Variants in DYNC1H1 observed in about 807,000 individuals in gnomAD.
The protein encoded by DYNC1H1 is dynein cytoplasmic 1 heavy chain 1.
Under a neutral mutation model 527.1 loss-of-function variants are expected in DYNC1H1, and 51 were observed. That is an observed-to-expected ratio of 0.10 (90% CI 0.08 to 0.12). DYNC1H1 has a LOEUF of 0.12. Ranked by LOEUF, DYNC1H1 falls within the 10% of genes least tolerant of loss-of-function variation. DYNC1H1 has a pLI of 1.00. For synonymous variants in DYNC1H1, 2,189 were observed against 2,278.8 expected (o/e 0.96, Z 1.12); for missense variants, 2,771 against 5,971.8 (o/e 0.46, Z 17.66).
At chr14:102,014,802 GT>G (rs1294821251) in intron 34 of DYNC1H1, among the ~76,000 whole-genome samples, 1 of 151,612 alleles carries the variant, frequency 6.6e-6, no homozygotes, top group Non-Finnish European at 1.5e-5. Context: ...GGTGTTTTTT[GT>G]TTTTTTTACA....
At position 102,042,036 on chromosome 14, in the gene DYNC1H1, A is replaced by G. The variant is rs372384147; in HGVS notation, c.12126A>G (p.Leu4042=). The change falls in exon 66 of 78, where the codon TTA becomes TTG. Residue 4042 remains leucine (L), a synonymous_variant. Transcript: ENST00000360184. This position sits in a 1 kb window ranked among gnomAD's most constrained non-coding sequence, Gnocchi z 5.7. ...GTEVKPNTPV[L]MCSVPGYDAS... is the part of the protein sequence containing the mutation. Reference sequence around the variant, plus strand: ...AGGTGAAGCCCAACACTCCTGTCTTAATGTGCTCTGTGCCTGGTTATGATG... The same window carrying G: ...AGGTGAAGCCCAACACTCCTGTCTTGATGTGCTCTGTGCCTGGTTATGATG... 1 of 1,613,974 alleles carries G rather than the reference A, an allele frequency of 6.2e-7. No individual in the cohort carries two copies. Among genetic ancestry groups the G allele is most frequent in the African/African-American group, 1.3e-5 (1 of 74,904 alleles).
chr14:101,996,871 C>T (rs1237112276), intron 15 of DYNC1H1, among the ~76,000 whole-genome samples, 164 bp from the exon 16 acceptor site: 1 of 152,130 alleles, frequency 6.6e-6, no homozygotes, highest in African/African-American at 2.4e-5. Flanking sequence ...AATCCACCTG[C>T]CTCAGCCTCC....
Position 102,052,137 on chromosome 14 carries a change from A to G in DYNC1H1, c.*1574A>G, listed in dbSNP as rs1326947470. 1 of 149,776 alleles carries G rather than the reference A, an allele frequency of 6.7e-6. No homozygotes were observed. Among genetic ancestry groups the G allele is most frequent in the African/African-American group, 2.5e-5 (1 of 40,658 alleles). The allele number at this position is 149,776 out of a possible 1,614,324, so 9.3% of individuals were successfully genotyped here. On this transcript the variant is annotated 3_prime_UTR_variant, in exon 78 of 78. Coordinates refer to ENST00000360184, the MANE Select transcript of DYNC1H1 (RefSeq NM_001376.5). ...GTCACCGAGTTGAGCCCCTAAACAC[A>G]TGTTTTTCTTTTTAGAGACAGGGTC... is the stretch of plus-strand genomic sequence containing the variant.
intron 43 of DYNC1H1, among the ~76,000 whole-genome samples, chr14:102,024,594 A>G (rs1414779679): frequency 6.6e-6 from 1 of 152,022 alleles, no homozygotes; most frequent in African/African-American, 2.4e-5. Flanking sequence ...GGTGTGTTCA[A>G]TATTGGTAGA....
At chr14:101,989,039 A>C (rs558446526) in intron 10 of DYNC1H1, among the ~76,000 whole-genome samples, 187 bp downstream of exon 10, 1 of 152,268 alleles carries the variant, frequency 6.6e-6, no homozygotes, top group East Asian at 1.9e-4. Flanking sequence ...ATGCGATGGG[A>C]AGGGCAGGTC....
At chr14:101,984,397 A>G (rs921774516) in intron 7 of DYNC1H1, among the ~76,000 whole-genome samples, 27 of 89,956 alleles carry the variant, frequency 3.0e-4, no homozygotes, top group African/African-American at 1.1e-3. Context: ...ATATATGCGT[A>G]TATATGTGTG....
At position 102,033,922 on chromosome 14, in the gene DYNC1H1, G is replaced by T; in HGVS notation, c.10414-54G>T. ...TGGATGAACCGATTTGCAGGATTCG[G>T]TATAAATCCTGAAAGGCCTCATCCC... On this transcript the variant is annotated intron_variant, in intron 54 of 77. Transcript: ENST00000360184. This position sits in a 1 kb window ranked among gnomAD's most constrained non-coding sequence, Gnocchi z 5.6. 1 of 1,585,182 alleles carries T rather than the reference G, an allele frequency of 6.3e-7. No homozygotes were observed. Among genetic ancestry groups the T allele is most frequent in the Non-Finnish European group, 8.6e-7 (1 of 1,156,542 alleles).
intron 2 of DYNC1H1, among the ~76,000 whole-genome samples, chr14:101,976,153 C>T (rs1488294668): frequency 6.6e-6 from 1 of 151,342 alleles, no homozygotes; most frequent in South Asian, 2.1e-4. Context: ...GAGATCCACC[C>T]GCCTCAGCCT....
rs967548476 is a variant in DYNC1H1, at chr14:102,044,523, T to C, written c.12902+32T>C. 4 of 1,614,110 alleles carry C rather than the reference T, an allele frequency of 2.5e-6. No individual in the cohort carries two copies. In the African/African-American group the frequency reaches 4.0e-5, roughly 16 times the overall value. On this transcript the variant is annotated intron_variant, in intron 71 of 77. Coordinates refer to ENST00000360184, the MANE Select transcript of DYNC1H1 (RefSeq NM_001376.5). The surrounding 1 kb of genome is among the most constrained non-coding windows in gnomAD (Gnocchi z 7.1). ...TGCTGCCTGCTGGAATGGAGACAGT[T>C]GTGATGTCAGGGCGTCTGGTGTCAC...
intron 69 of DYNC1H1, chr14:102,043,525 CAAGTG>C (rs1353401043): frequency 2.7e-6 from 1 of 367,214 alleles, no homozygotes; most frequent in Non-Finnish European, 5.2e-6. Flanking sequence ...TCCCAGGCGC[CAAGTG>C]AAGACCGAAA....
intron 72 of DYNC1H1, among the ~76,000 whole-genome samples, chr14:102,045,924 T>C (rs1272910055): frequency 6.6e-6 from 1 of 152,016 alleles, no homozygotes; most frequent in Middle Eastern, 3.2e-3. Context: ...CCCAGCACTT[T>C]GGGAGGCCGA....
chr14:101,986,623 A>T lies in DYNC1H1; in HGVS notation c.2398A>T (p.Thr800Ser). 1 of 1,612,844 alleles carries T rather than the reference A, an allele frequency of 6.2e-7. No homozygotes were observed. Among genetic ancestry groups the T allele is most frequent in the South Asian group, 1.1e-5 (1 of 91,076 alleles). ...CTGCGAGAAGGTGGAGGAGCGGAAC[A>T]CCATTTCCCTTTTGGTGGCTGGCTT... ...RTCEKVEERN[T>S]ISLLVAGLKK... Residue 800 changes from threonine to serine, a missense_variant, in exon 8 of 78, where the codon ACC becomes TCC. Coordinates refer to ENST00000360184, the MANE Select transcript of DYNC1H1 (RefSeq NM_001376.5). This position sits in a 1 kb window ranked among gnomAD's most constrained non-coding sequence, Gnocchi z 8.7.
chr14:101,985,386 G>A lies in DYNC1H1; in HGVS notation c.1462-301G>A, dbSNP rs370895491. On this transcript the variant is annotated intron_variant, in intron 7 of 77. Coordinates refer to ENST00000360184, the MANE Select transcript of DYNC1H1 (RefSeq NM_001376.5). This position sits in a 1 kb window ranked among gnomAD's most constrained non-coding sequence, Gnocchi z 5.9. ...GTCGCCCAGGCTGGAGTGCAGTGGC[G>A]TGATCTTGGCTCACTGCAACCTCTG... Among the ~76,000 whole-genome samples, 7 of 151,868 alleles carry A rather than the reference G, an allele frequency of 4.6e-5. No homozygotes were observed. The South Asian group carries it at 6.2e-4, about 14-fold the overall frequency.
chr14:102,005,320 A>G lies in DYNC1H1; in HGVS notation c.5433+84A>G. 6.3e-7 allele frequency: 1 copy of G among 1,577,594 alleles called. No homozygotes were observed. Among genetic ancestry groups the G allele is most frequent in the South Asian group, 1.1e-5 (1 of 89,912 alleles). On this transcript the variant is annotated intron_variant, in intron 26 of 77. Transcript: ENST00000360184. This position sits in a 1 kb window ranked among gnomAD's most constrained non-coding sequence, Gnocchi z 4.0. ...AGTTAAATGGAAATCATGCTTGAAA[A>G]AGGTTTCAGGTAGTATCAAGGAGAA...
chr14:102,000,092 C>G lies in DYNC1H1; in HGVS notation c.3908C>G (p.Ala1303Gly), dbSNP rs753819954. 17 of 1,614,102 alleles carry G rather than the reference C, an allele frequency of 1.1e-5. No individual in the cohort carries two copies. The highest frequency in any genetic ancestry group is 1.4e-5 in the Non-Finnish European group (17 of 1,180,028). Residue 1303 changes from alanine to glycine, a missense_variant, in exon 17 of 78, where the codon GCG (alanine) becomes GGG (glycine). Around this residue, in one of 32 missense-constraint regions of DYNC1H1, gnomAD observed 223 missense variants for 462.5 expected, o/e 0.48. Coordinates refer to ENST00000360184, the MANE Select transcript of DYNC1H1 (RefSeq NM_001376.5). ...GAGAAGTGTGCAAAGGCCAAGGAGGCGCTGGAATTGACAGATACTGGGCTT... is the reference window on the plus strand; with the variant it reads ...GAGAAGTGTGCAAAGGCCAAGGAGGGGCTGGAATTGACAGATACTGGGCTT... ...DREKCAKAKEALELTDTGLLS... is the reference protein window; with the variant it reads ...DREKCAKAKEGLELTDTGLLS...
At position 102,049,983 on chromosome 14, in the gene DYNC1H1, G is replaced by T. The variant is rs537305405; in HGVS notation, c.13685-88G>T. The T allele has an allele frequency of 5.6e-6, 9 of 1,614,020 alleles. No individual in the cohort carries two copies. In the African/African-American group the frequency reaches 1.1e-4, roughly 19 times the overall value. On this transcript the variant is annotated intron_variant, in intron 76 of 77. Coordinates refer to ENST00000360184, the MANE Select transcript of DYNC1H1 (RefSeq NM_001376.5). The surrounding 1 kb of genome is among the most constrained non-coding windows in gnomAD (Gnocchi z 5.5). ...ATGCACTTAGGGTGACCGGCTGGCAGTTGGGTGGAGCCTCTGGGCGCCCTG... is the reference window on the plus strand; with the variant it reads ...ATGCACTTAGGGTGACCGGCTGGCATTTGGGTGGAGCCTCTGGGCGCCCTG...
Position 102,018,060 on chromosome 14 carries a change from C to G in DYNC1H1, c.8178-391C>G, listed in dbSNP as rs1340119593. 8 of 250,138 alleles carry G rather than the reference C, an allele frequency of 3.2e-5. No individual in the cohort carries two copies. The highest frequency in any genetic ancestry group is 5.5e-5 in the Non-Finnish European group (7 of 126,968). The allele number at this position is 250,138 out of a possible 1,614,324, so 15.5% of individuals were successfully genotyped here. A position where few individuals can be genotyped will look rare whatever the true frequency, so the allele number is the denominator to read the frequency against. On this transcript the variant is annotated intron_variant, in intron 40 of 77. Transcript: ENST00000360184. This position sits in a 1 kb window ranked among gnomAD's most constrained non-coding sequence, Gnocchi z 5.2. ...GGTGGAGCTTGCAGTGAGCTGAGAT[C>G]GCACCACTGCACTCCAGCCTGGGCA...
Position 102,050,621 on chromosome 14 carries a change from T to G in DYNC1H1, c.*58T>G, listed in dbSNP as rs924321640. ...AAGTTGGTATTTAACATTTATTCAT[T>G]TTTAAAATATTTGGAAGGTCTGAGC... On this transcript the variant is annotated 3_prime_UTR_variant, in exon 78 of 78. Coordinates refer to ENST00000360184, the MANE Select transcript of DYNC1H1 (RefSeq NM_001376.5). 3 of 1,613,074 alleles carry G rather than the reference T, an allele frequency of 1.9e-6. No homozygotes were observed. In the African/African-American group the frequency reaches 4.0e-5, roughly 22 times the overall value.
chr14:102,030,064 G>A, intron 50 of DYNC1H1, 98 bp from the exon 51 acceptor site: 2 of 1,607,830 alleles, frequency 1.2e-6, no homozygotes. Context: ...GAGAGTGTGT[G>A]TGTGTGTGTG....
Sources: allele counts gnomAD v4.1 joint callset (sites outside exome capture counted in the v4.1 genomes callset), GRCh38; gene constraint gnomAD v4.1.1; regional missense constraint gnomAD v4.1.1; non-coding constraint Gnocchi (gnomAD v3.1); transcripts MANE v1.5; gene names NCBI Gene and HGNC (gene_info 2026-07-23, HGNC 2026-07-21).